PHLDB3: variants seen among roughly 807,000 people sequenced by gnomAD.
PHLDB3 encodes the protein pleckstrin homology-like domain family B member 3.
A neutral mutation model predicts 85.7 loss-of-function variants in PHLDB3; 86 were observed. The observed-to-expected ratio is 1.00, with a 90% CI of 0.84 to 1.20. PHLDB3 has a LOEUF of 1.20. Ranked by LOEUF, PHLDB3 falls within the 50% of genes most tolerant of loss-of-function variation. PHLDB3 has a pLI of 0.00. For synonymous variants in PHLDB3, 376 were observed against 349.8 expected (o/e 1.07, Z -0.83); for missense variants, 995 against 873.0 (o/e 1.14, Z -1.76).
intron 11 of PHLDB3, 31 bp downstream of exon 11, chr19:43,486,749 C>G (rs1230270181): frequency 6.2e-7 from 1 of 1,610,744 alleles, no homozygotes; most frequent in South Asian, 1.1e-5. Flanking sequence ...GCCTCTTCTT[C>G]CATCTCCCCA....
Position 43,502,145 on chromosome 19 carries a change from G to A in PHLDB3, c.352C>T (p.Arg118Ter). Residue 118 changes from arginine to a stop codon, truncating the protein, a stop_gained, in exon 3 of 16, where the codon CGA (arginine) becomes TGA (stop). Coordinates refer to ENST00000292140, the MANE Select transcript of PHLDB3 (RefSeq NM_198850.4). LOFTEE classifies it high-confidence loss of function. ...CTCTGGCGCTGTAGCTCCTTCACTC[G>A]CTGCTCCATCAGGGCCACACGAGTC... ...ALTRVALMEQ[R>*]VKELQRQRKE... is the part of the protein sequence containing the mutation. The A allele has an allele frequency of 6.3e-7, 1 of 1,581,050 alleles. No individual in the cohort carries two copies. The highest frequency in any genetic ancestry group is 8.6e-7 in the Non-Finnish European group (1 of 1,164,172).
intron 2 of PHLDB3, 91 bp from the exon 3 acceptor site, chr19:43,502,374 G>C (rs1971630180): frequency 7.8e-7 from 1 of 1,289,398 alleles, no homozygotes; most frequent in South Asian, 1.5e-5. Flanking sequence ...CACCCTCTGC[G>C]GGTCTCAGTC....
At position 43,494,688 on chromosome 19, in the gene PHLDB3, C is replaced by G; in HGVS notation, c.1149+14G>C. On this transcript the variant is annotated intron_variant, in intron 9 of 15. Transcript: ENST00000292140. ...ATAAGATATATGGGGAAACAGAGGC[C>G]GTGGGGGAGGCACCTGCAGGGAGCT... The G allele has an allele frequency of 1.3e-6, 2 of 1,589,670 alleles. No homozygotes were observed. The highest frequency in any genetic ancestry group is 1.7e-6 in the Non-Finnish European group (2 of 1,162,600).
intron 9 of PHLDB3, among the ~76,000 whole-genome samples, chr19:43,487,662 T>A (rs1294775600): frequency 6.6e-6 from 1 of 151,464 alleles, no homozygotes; most frequent in African/African-American, 2.4e-5. Flanking sequence ...GAATTGTGGT[T>A]GCCCGGACTG....
In PHLDB3 at chr19:43,501,889, G is replaced by C. The variant is rs751521337; in HGVS notation, c.397-18C>G. 7.1e-5 allele frequency: 112 copies of C among 1,574,680 alleles called. No individual in the cohort carries two copies. The highest frequency in any genetic ancestry group is 9.2e-5 in the Non-Finnish European group (107 of 1,160,510). ...ACCTCCATCTGCGGAGAGAATGCCA[G>C]GGCTGGGGGCTCGGACGCCTAGGTC... On this transcript the variant is annotated intron_variant, in intron 3 of 15. Coordinates refer to ENST00000292140, the MANE Select transcript of PHLDB3 (RefSeq NM_198850.4).
At chr19:43,477,801 C>T (rs913253768) in intron 15 of PHLDB3, among the ~76,000 whole-genome samples, 1 of 146,984 alleles carries the variant, frequency 6.8e-6, no homozygotes, top group Middle Eastern at 3.4e-3. Context: ...GAATGAGACT[C>T]TGTCTTAAAA....
rs1971574220 is a variant in PHLDB3, at chr19:43,500,909, A to ACCCCTCCCCCCCCCCCCCCC, written c.534+824_534+825insGGGGGGGGGGGGGGGAGGGG. Among the ~76,000 whole-genome samples, 2 of 17,152 alleles carry ACCCCTCCCCCCCCCCCCCCC rather than the reference A, an allele frequency of 1.2e-4. 1 individual carries two copies. The highest frequency in any genetic ancestry group is 2.6e-4 in the Non-Finnish European group (2 of 7,628). 11.3% of individuals were successfully genotyped at this position (17,152 alleles called of 152,430 possible). A position where few individuals can be genotyped will look rare whatever the true frequency, so the allele number is the denominator to read the frequency against. On this transcript the variant is annotated intron_variant, in intron 4 of 15. Transcript: ENST00000292140. ...CCTCCCACTTTGCCCCGCCCCCCGT[A>ACCCCTCCCCCCCCCCCCCCC]CCCCCCCCCCACCCCGCAAGTACTG...
At chr19:43,492,066 C>G (rs1212613594) in intron 9 of PHLDB3, among the ~76,000 whole-genome samples, 1 of 150,626 alleles carries the variant, frequency 6.6e-6, no homozygotes, top group Non-Finnish European at 1.5e-5. Flanking sequence ...AGCGATTCTT[C>G]TGTCTCAGCC....
intron 4 of PHLDB3, among the ~76,000 whole-genome samples, chr19:43,499,824 C>T (rs973538754): frequency 6.6e-6 from 1 of 152,042 alleles, no homozygotes; most frequent in Non-Finnish European, 1.5e-5. Context: ...GCTGCAACCT[C>T]CACCTCCCGG....
chr19:43,490,380 G>A (rs1484364012), intron 9 of PHLDB3, among the ~76,000 whole-genome samples: 1 of 151,988 alleles, frequency 6.6e-6, no homozygotes, highest in Admixed American at 6.6e-5. Flanking sequence ...GGGCAATATA[G>A]TGAGACCCCA....
Position 43,478,102 on chromosome 19 carries a change from A to T in PHLDB3, c.1733T>A (p.Ile578Asn), listed in dbSNP as rs770250119. 6.2e-7 allele frequency: 1 copy of T among 1,613,622 alleles called. No homozygotes were observed. The highest frequency in any genetic ancestry group is 1.1e-5 in the South Asian group (1 of 91,078). ...GACTTCCTCAATGGCCTGGAAGTAG[A>T]TGACACCTTTGAGCTTGGTCTCTTC... ...DKEETKLKGV[I>N]YFQAIEEVYY... Residue 578 changes from isoleucine to asparagine, a missense_variant, in exon 15 of 16, where the codon ATC becomes AAC. Transcript: ENST00000292140.
chr19:43,495,271 G>A lies in PHLDB3; in HGVS notation c.1020C>T (p.Asn340=). 1 of 1,613,840 alleles carries A rather than the reference G, an allele frequency of 6.2e-7. No individual in the cohort carries two copies. The highest frequency in any genetic ancestry group is 8.5e-7 in the Non-Finnish European group (1 of 1,179,822). ...GTPGGDFSEP[N]PALTKLLFTQ... Reference sequence around the variant, plus strand: ...ATCCCCATACCTTAGTGAGGGCCGGGTTGGGCTCAGAGAAGTCCCCGCCAG... The same window carrying A: ...ATCCCCATACCTTAGTGAGGGCCGGATTGGGCTCAGAGAAGTCCCCGCCAG... Residue 340 remains asparagine (N), a synonymous_variant, in exon 8 of 16, where the codon AAC becomes AAT. Transcript: ENST00000292140.
At position 43,475,337 on chromosome 19, in the gene PHLDB3, G is replaced by A. The variant is rs1001442536; in HGVS notation, c.*73C>T. 5.8e-6 allele frequency: 9 copies of A among 1,561,686 alleles called. No individual in the cohort carries two copies. Among genetic ancestry groups the A allele is most frequent in the Non-Finnish European group, 7.8e-6 (9 of 1,151,134 alleles). ...CGTCCAAGTTTTCCGGCAGTGGGCG[G>A]GGCCTAGGAACGCCCCCGCGCCCCG... On this transcript the variant is annotated 3_prime_UTR_variant, in exon 16 of 16. Coordinates refer to ENST00000292140, the MANE Select transcript of PHLDB3 (RefSeq NM_198850.4).
intron 4 of PHLDB3, among the ~76,000 whole-genome samples, chr19:43,498,314 G>T (rs1000580805): frequency 6.6e-6 from 1 of 152,004 alleles, no homozygotes; most frequent in Non-Finnish European, 1.5e-5. Context: ...TCCAGTCTGG[G>T]TGACAGAGGG....
intron 1 of PHLDB3, 134 bp from the exon 2 acceptor site, chr19:43,504,266 G>T: frequency 1.2e-6 from 1 of 808,256 alleles, no homozygotes; most frequent in Non-Finnish European, 1.9e-6. Flanking sequence ...GGAACTGAGC[G>T]TTACGGAGGC....
In PHLDB3 at chr19:43,502,199, G is replaced by A. The variant is rs1453542560; in HGVS notation, c.298C>T (p.Arg100Cys). The A allele has an allele frequency of 2.5e-6, 4 of 1,569,944 alleles. No homozygotes were observed. Among genetic ancestry groups the A allele is most frequent in the Non-Finnish European group, 2.6e-6 (3 of 1,158,020 alleles). The change falls in exon 3 of 16, where the codon CGC becomes TGC. Residue 100 changes from arginine (R) to cysteine (C), a missense_variant. Arg to Cys is a radical substitution (Grantham distance 180). Transcript: ENST00000292140. The part of the protein sequence containing the change: ...SREGVRGAAR[R>C]LQGQQLEALT... ...GCCTCCAGCTGCTGTCCTTGCAGGCGCCGCGCCGCCCCTCGCACCCCTTCC... is the reference window on the plus strand; with the variant it reads ...GCCTCCAGCTGCTGTCCTTGCAGGCACCGCGCCGCCCCTCGCACCCCTTCC...
At position 43,484,124 on chromosome 19, in the gene PHLDB3, G is replaced by A. The variant is rs922339657; in HGVS notation, c.1485+2142C>T. 4.0e-5 allele frequency among the ~76,000 whole-genome samples: 6 copies of A among 151,700 alleles called. No homozygotes were observed. The East Asian group carries it at 9.7e-4, about 25-fold the overall frequency. On this transcript the variant is annotated intron_variant, in intron 13 of 15. Coordinates refer to ENST00000292140, the MANE Select transcript of PHLDB3 (RefSeq NM_198850.4). Reference sequence around the variant, plus strand: ...AAATTAGCCAGGCATGGTGGTGGGCGCCTGTAATCCTAGCTACTCCAGAGG... The same window carrying A: ...AAATTAGCCAGGCATGGTGGTGGGCACCTGTAATCCTAGCTACTCCAGAGG...
At chr19:43,483,852 C>G (rs1019509143) in intron 13 of PHLDB3, among the ~76,000 whole-genome samples, 5 of 152,140 alleles carry the variant, frequency 3.3e-5, no homozygotes, top group South Asian at 2.1e-4. Flanking sequence ...TATTTTAGGT[C>G]AGGCATGATG....
rs770437532 is a variant in PHLDB3 at position 43,504,114 on chromosome 19, C to G, written c.5G>C (p.Gly2Ala). Residue 2 changes from glycine (G) to alanine (A), a missense_variant, in exon 2 of 16, where the codon GGG becomes GCG. Coordinates refer to ENST00000292140, the MANE Select transcript of PHLDB3 (RefSeq NM_198850.4). MGTRSSPEEGTP... is the reference protein window; with the variant it reads MATRSSPEEGTP... The stretch of plus-strand genomic sequence containing the variant: ...CCCCTCCTCGGGGCTGCTTCGCGTC[C>G]CCATGGCCGCTGGGACTCCTGCGGG... The G allele has an allele frequency of 1.3e-6, 2 of 1,596,146 alleles. No homozygotes were observed. Among genetic ancestry groups the G allele is most frequent in the African/African-American group, 2.7e-5 (2 of 74,466 alleles).
Sources: gnomAD v4.1 joint callset for allele counts (sites outside exome capture counted in the v4.1 genomes callset) on GRCh38, gnomAD v4.1.1 for gene constraint, MANE v1.5 for transcripts, NCBI Gene and HGNC (gene_info 2026-07-23, HGNC 2026-07-21) for gene names.